Variants in KIZ observed in about 807,000 individuals in gnomAD.
The protein encoded by KIZ is centrosomal protein kizuna.
A neutral mutation model predicts 79.6 loss-of-function variants in KIZ; 68 were observed. The ratio of observed to expected loss-of-function variants is 0.85; its 90% CI spans 0.70 to 1.05. The LOEUF is 1.05. Ranked by LOEUF, KIZ falls within the 50% of genes least tolerant of loss-of-function variation. The pLI is 0.00. For synonymous variants in KIZ, 280 were observed against 281.8 expected (o/e 0.99, Z 0.06); for missense variants, 797 against 800.4 (o/e 1.00, Z 0.05).
chr20:21,221,837 A>G (rs1038484707), intron 9 of KIZ, among the ~76,000 whole-genome samples: 3 of 152,196 alleles, frequency 2.0e-5, no homozygotes, highest in Non-Finnish European at 4.4e-5. Context: ...GAAAGACTGT[A>G]GTGATGACTT....
rs2034561244 is a variant in KIZ at position 21,179,390 on chromosome 20, G to A, written c.1352+16231G>A. 2.0e-5 allele frequency among the ~76,000 whole-genome samples: 3 copies of A among 151,324 alleles called. No individual in the cohort carries two copies. In the South Asian group the frequency reaches 6.2e-4, roughly 31 times the overall value. On this transcript the variant is annotated intron_variant, in intron 6 of 12. Coordinates refer to ENST00000619189, the MANE Select transcript of KIZ (RefSeq NM_018474.6). The stretch of plus-strand genomic sequence containing the variant: ...TGTAATAGTTTATATAGTTTCTTGT[G>A]ATCTTTTTTAATCTCTGTGATATCA...
At chr20:21,243,534 C>A (rs1332522994) in intron 11 of KIZ, among the ~76,000 whole-genome samples, 1 of 152,138 alleles carries the variant, frequency 6.6e-6, no homozygotes, top group Non-Finnish European at 1.5e-5. Context: ...TCAGGCAATT[C>A]TGAAAGAATC....
intron 6 of KIZ, among the ~76,000 whole-genome samples, chr20:21,205,189 T>C (rs1032516517): frequency 5.3e-5 from 8 of 152,198 alleles, no homozygotes; most frequent in African/African-American, 1.9e-4. Context: ...GGCCAAGCCA[T>C]ACCCCAGACC....
At chr20:21,214,857 T>C (rs1391516807) in intron 8 of KIZ, among the ~76,000 whole-genome samples, 157 bp downstream of exon 8, 1 of 152,226 alleles carries the variant, frequency 6.6e-6, no homozygotes, top group African/African-American at 2.4e-5. Flanking sequence ...CCAATAAATA[T>C]ATATGTTCTC....
At chr20:21,132,222 C>A in intron 2 of KIZ, 63 bp downstream of exon 2, 1 of 787,602 alleles carries the variant, frequency 1.3e-6, no homozygotes, top group Non-Finnish European at 2.1e-6. Flanking sequence ...AAAATGTAAC[C>A]CTAATGTTAT....
intron 6 of KIZ, among the ~76,000 whole-genome samples, chr20:21,201,786 C>G (rs978668614): frequency 1.3e-5 from 2 of 152,160 alleles, no homozygotes; most frequent in African/African-American, 4.8e-5. Flanking sequence ...ACAGAAAAAT[C>G]TCCTTTAAAT....
intron 3 of KIZ, 47 bp downstream of exon 3, chr20:21,136,599 G>GTGT: frequency 9.7e-7 from 1 of 1,035,780 alleles, no homozygotes. Context: ...GTTGTTGTGT[G>GTGT]TTTTTTTTTT....
At chr20:21,137,145 C>T (rs975574318) in intron 3 of KIZ, among the ~76,000 whole-genome samples, 1 of 152,214 alleles carries the variant, frequency 6.6e-6, no homozygotes, top group African/African-American at 2.4e-5. Context: ...CTCTGGCAAA[C>T]AGTGCATTGG....
intron 4 of KIZ, chr20:21,150,750 G>A (rs1421273372): frequency 1.3e-5 from 2 of 152,038 alleles, no homozygotes; most frequent in African/African-American, 4.8e-5. Flanking sequence ...CAGCTCACTT[G>A]ACAGTAAGCT....
chr20:21,171,906 A>G (rs776136295), intron 6 of KIZ, among the ~76,000 whole-genome samples: 30 of 152,244 alleles, frequency 2.0e-4, no homozygotes, highest in Non-Finnish European at 4.0e-4. Flanking sequence ...GCCCCAGTCC[A>G]TAGTCCTTGC....
intron 3 of KIZ, among the ~76,000 whole-genome samples, chr20:21,143,782 T>A (rs190679940): frequency 4.8e-4 from 73 of 152,288 alleles, no homozygotes; most frequent in Non-Finnish European, 3.8e-4. Context: ...TACTGGGGCA[T>A]GAGTAGGCTC....
chr20:21,219,301 C>T (rs992910067), intron 9 of KIZ, among the ~76,000 whole-genome samples: 11 of 152,162 alleles, frequency 7.2e-5, no homozygotes, highest in African/African-American at 2.7e-4. Context: ...TGAACCATGG[C>T]AGGAACCATG....
At chr20:21,185,062 T>TTGTG (rs144332345) in intron 6 of KIZ, among the ~76,000 whole-genome samples, 2 of 151,520 alleles carry the variant, frequency 1.3e-5, no homozygotes, top group East Asian at 1.9e-4. Flanking sequence ...AAAAAAATAA[T>TTGTG]TGTGTGTGTG....
chr20:21,225,577 C>T (rs2036630212), intron 9 of KIZ, among the ~76,000 whole-genome samples: 5 of 152,202 alleles, frequency 3.3e-5, no homozygotes, highest in Admixed American at 3.3e-4. Flanking sequence ...TTGTTTGTAA[C>T]AGACTAACTT....
intron 9 of KIZ, among the ~76,000 whole-genome samples, chr20:21,222,534 T>A (rs1434028987): frequency 6.6e-6 from 1 of 152,194 alleles, no homozygotes; most frequent in East Asian, 1.9e-4. Flanking sequence ...TTTAATAAAA[T>A]GAGGGGTTGG....
At chr20:21,184,349 C>T (rs2034786688) in intron 6 of KIZ, among the ~76,000 whole-genome samples, 1 of 152,108 alleles carries the variant, frequency 6.6e-6, no homozygotes, top group African/African-American at 2.4e-5. Flanking sequence ...CGGGGTTTCA[C>T]TGTGTTAGCC....
At chr20:21,156,692 T>C (rs1466303060) in intron 4 of KIZ, among the ~76,000 whole-genome samples, 1 of 152,192 alleles carries the variant, frequency 6.6e-6, no homozygotes, top group African/African-American at 2.4e-5. Context: ...GATCATGAAC[T>C]GTGCTCAAGA....
At chr20:21,148,502 G>A (rs1352314178) in intron 4 of KIZ, among the ~76,000 whole-genome samples, 1 of 152,076 alleles carries the variant, frequency 6.6e-6, no homozygotes, top group Non-Finnish European at 1.5e-5. Flanking sequence ...TACAAAAAAT[G>A]TGTCTTACCA....
intron 6 of KIZ, among the ~76,000 whole-genome samples, chr20:21,199,402 G>A (rs1282092880): frequency 6.6e-6 from 1 of 152,188 alleles, no homozygotes; most frequent in Non-Finnish European, 1.5e-5. Flanking sequence ...GCCAGATAAA[G>A]AAGTCAAGAA....
Sources: gnomAD v4.1 joint callset for allele counts (sites outside exome capture counted in the v4.1 genomes callset) on GRCh38, gnomAD v4.1.1 for gene constraint, MANE v1.5 for transcripts, NCBI Gene and HGNC (gene_info 2026-07-23, HGNC 2026-07-21) for gene names.